Variants in SEMA3E observed in about 807,000 individuals in gnomAD.
SEMA3E encodes semaphorin-3E.
A neutral mutation model predicts 93.6 loss-of-function variants in SEMA3E; 49 were observed. That is an observed-to-expected ratio of 0.52 (90% CI 0.42 to 0.66). The LOEUF (loss-of-function observed/expected upper bound fraction) is 0.66. Among genes scored for constraint, SEMA3E ranks in the 30% least tolerant of loss-of-function variants. The pLI, the probability that SEMA3E is intolerant of heterozygous loss-of-function variation, is 0.00. For missense variants in SEMA3E, 906 were observed against 964.8 expected (o/e 0.94, Z 0.81); for synonymous variants, 363 against 330.7 (o/e 1.10, Z -1.06).
intron 3 of SEMA3E, 48 bp from the exon 4 acceptor site, chr7:83,466,649 T>G: frequency 6.2e-7 from 1 of 1,605,204 alleles, no homozygotes; most frequent in Non-Finnish European, 8.5e-7. Flanking sequence ...AATAAACATG[T>G]TTCGTCCTTT....
Position 83,490,138 on chromosome 7 carries a change from C to T in SEMA3E, c.252G>A (p.Glu84=). 6.2e-7 allele frequency: 1 copy of T among 1,612,914 alleles called. No individual in the cohort carries two copies. Among genetic ancestry groups the T allele is most frequent in the African/African-American group, 1.3e-5 (1 of 74,966 alleles). Reference sequence around the variant, plus strand: ...CCTCTTTATAGCCGTCACTGATTCTCTCCAAGCTGAGGGAATATACAAGGT... The same window carrying T: ...CCTCTTTATAGCCGTCACTGATTCTTTCCAAGCTGAGGGAATATACAAGGT... ...GRDLVYSLSL[E]RISDGYKEIH... is the part of the protein sequence containing the mutation. The change falls in exon 2 of 17, where the codon GAG becomes GAA. Residue 84 remains glutamate, a synonymous_variant. Transcript: ENST00000643230.
At chr7:83,386,640 T>C (rs955566217) in intron 15 of SEMA3E, among the ~76,000 whole-genome samples, 61 of 152,144 alleles carry the variant, frequency 4.0e-4, no homozygotes, top group Non-Finnish European at 1.5e-4. Context: ...GTACGTAACA[T>C]GGTGAAGATA....
chr7:83,422,196 T>C (rs1415936018), intron 4 of SEMA3E, among the ~76,000 whole-genome samples: 2 of 151,964 alleles, frequency 1.3e-5, no homozygotes, highest in Non-Finnish European at 2.9e-5. Context: ...AAATTAAAAA[T>C]AATGATAATA....
intron 1 of SEMA3E, among the ~76,000 whole-genome samples, chr7:83,552,507 C>T (rs1023735964): frequency 2.6e-5 from 4 of 152,128 alleles, no homozygotes; most frequent in East Asian, 3.9e-4. Flanking sequence ...TGACTAACCG[C>T]GGGGTTGGGC....
chr7:83,552,532 TTTTC>T (rs1245893004), intron 1 of SEMA3E, among the ~76,000 whole-genome samples: 3 of 152,160 alleles, frequency 2.0e-5, no homozygotes, highest in African/African-American at 7.2e-5. Context: ...AGAGCCATAT[TTTTC>T]TTCTTGCAGA....
intron 1 of SEMA3E, among the ~76,000 whole-genome samples, chr7:83,536,500 A>G (rs574083664): frequency 6.6e-6 from 1 of 152,242 alleles, no homozygotes; most frequent in Admixed American, 6.5e-5. Context: ...GAAAAATATG[A>G]CAAAGATTTG....
At chr7:83,641,392 A>G (rs1794007148) in intron 1 of SEMA3E, 1 of 985,272 alleles carries the variant, frequency 1.0e-6, no homozygotes. Flanking sequence ...TAAACAACAC[A>G]TGCTGAGCTG....
At chr7:83,605,526 G>C (rs1392820891) in intron 1 of SEMA3E, among the ~76,000 whole-genome samples, 1 of 151,736 alleles carries the variant, frequency 6.6e-6, no homozygotes, top group African/African-American at 2.4e-5. Context: ...CACCTCCCAG[G>C]ATCAAGCGAT....
intron 4 of SEMA3E, among the ~76,000 whole-genome samples, chr7:83,428,973 T>C (rs1241416018): frequency 6.6e-6 from 1 of 152,114 alleles, no homozygotes; most frequent in African/African-American, 2.4e-5. Flanking sequence ...TCATTTGCAG[T>C]TTTACCCACT....
intron 1 of SEMA3E, among the ~76,000 whole-genome samples, chr7:83,496,913 C>G (rs1253497110): frequency 6.6e-6 from 1 of 152,106 alleles, no homozygotes; most frequent in African/African-American, 2.4e-5. Flanking sequence ...AAATAATGGA[C>G]AGTGCTGACT....
At chr7:83,456,560 TTA>T (rs1491441284) in intron 4 of SEMA3E, among the ~76,000 whole-genome samples, 8 of 151,842 alleles carry the variant, frequency 5.3e-5, no homozygotes, top group Admixed American at 3.9e-4. Context: ...CTTAGACTTT[TTA>T]TGTTTTTCTC....
chr7:83,407,967 G>T (rs1788359966), intron 6 of SEMA3E, among the ~76,000 whole-genome samples: 1 of 152,070 alleles, frequency 6.6e-6, no homozygotes, highest in African/African-American at 2.4e-5. Context: ...CTTTCCTAGA[G>T]TTTTGTCTCT....
intron 4 of SEMA3E, among the ~76,000 whole-genome samples, chr7:83,452,584 A>G (rs868519035): frequency 1.3e-5 from 2 of 152,188 alleles, no homozygotes; most frequent in Non-Finnish European, 1.5e-5. Context: ...GATGCAAAAG[A>G]GTGATCCATA....
chr7:83,555,490 G>A (rs1791867875), intron 1 of SEMA3E, among the ~76,000 whole-genome samples: 1 of 152,100 alleles, frequency 6.6e-6, no homozygotes, highest in African/African-American at 2.4e-5. Context: ...TCACATCCTG[G>A]ATTATTCCTA....
At chr7:83,454,732 A>G (rs1311674687) in intron 4 of SEMA3E, among the ~76,000 whole-genome samples, 1 of 152,244 alleles carries the variant, frequency 6.6e-6, no homozygotes, top group East Asian at 1.9e-4. Flanking sequence ...GCCTAAAAAT[A>G]TATTTTCAAT....
chr7:83,596,007 G>T (rs1192132407), intron 1 of SEMA3E, among the ~76,000 whole-genome samples: 2 of 151,902 alleles, frequency 1.3e-5, no homozygotes, highest in Non-Finnish European at 2.9e-5. Context: ...TTCTAATGAG[G>T]ATTTCTTATT....
intron 16 of SEMA3E, among the ~76,000 whole-genome samples, chr7:83,383,161 C>T (rs74936088): frequency 0.012 from 1,760 of 151,656 alleles, 38 homozygotes; most frequent in African/African-American, 0.04. Flanking sequence ...AGCACTTACC[C>T]AGGAGGTAAG....
At chr7:83,463,022 C>T (rs184588767) in intron 4 of SEMA3E, among the ~76,000 whole-genome samples, 3,326 of 144,296 alleles carry the variant, frequency 0.023, 134 homozygotes, top group African/African-American at 0.078. Context: ...GGCTGTACTG[C>T]CGCAAAGCTT....
intron 1 of SEMA3E, among the ~76,000 whole-genome samples, chr7:83,639,298 G>A (rs949179303): frequency 6.6e-6 from 1 of 151,870 alleles, no homozygotes; most frequent in Non-Finnish European, 1.5e-5. Flanking sequence ...CAGAGCAGAA[G>A]AAAATTATAG....
Sources: gnomAD v4.1 joint callset for allele counts (sites outside exome capture counted in the v4.1 genomes callset) on GRCh38, gnomAD v4.1.1 for gene constraint, MANE v1.5 for transcripts, NCBI Gene and HGNC (gene_info 2026-07-23, HGNC 2026-07-21) for gene names.